The following GPR137B variants were observed in gnomAD, a reference collection of about 807,000 sequenced individuals.
GPR137B encodes the protein integral membrane protein GPR137B.
Under a neutral mutation model 42.5 loss-of-function variants are expected in GPR137B, and 42 were observed. That is an observed-to-expected ratio of 0.99 (90% CI 0.77 to 1.28). The LOEUF is 1.28. Among genes scored for constraint, GPR137B ranks in the 50% most tolerant of loss-of-function variants. The probability of loss-of-function intolerance (pLI) is 0.00; values close to 1 mark genes in which losing one functional copy is unlikely to be tolerated. For missense variants in GPR137B, 487 were observed against 493.9 expected (o/e 0.99, Z 0.13); for synonymous variants, 218 against 209.7 (o/e 1.04, Z -0.34).
chr1:236,145,650 C>T (rs1267798856), intron 1 of GPR137B, among the ~76,000 whole-genome samples: 2 of 152,052 alleles, frequency 1.3e-5, no homozygotes, highest in Non-Finnish European at 2.9e-5. Flanking sequence ...AGCCACCGCA[C>T]CCGGCCAAGA....
At chr1:236,180,594 T>C (rs1347654089) in intron 4 of GPR137B, among the ~76,000 whole-genome samples, 1 of 152,048 alleles carries the variant, frequency 6.6e-6, no homozygotes, top group Non-Finnish European at 1.5e-5. Context: ...TACTTTGCAC[T>C]CCATTCTCCC....
chr1:236,168,606 CGCTGGGGGATGAAGG>C, intron 1 of GPR137B, 85 bp from the exon 2 acceptor site: 2 of 875,052 alleles, frequency 2.3e-6, no homozygotes, highest in Non-Finnish European at 3.9e-6. Context: ...ACGTGCCCAG[CGCTGGGGGATGAAGG>C]GGCAGAGGAA....
At chr1:236,176,211 A>G (rs1338828993) in intron 2 of GPR137B, among the ~76,000 whole-genome samples, 1 of 152,146 alleles carries the variant, frequency 6.6e-6, no homozygotes, top group African/African-American at 2.4e-5. Flanking sequence ...GGGCCTGGAA[A>G]AGAATCTGTC....
intron 4 of GPR137B, 88 bp downstream of exon 4, chr1:236,180,116 A>T (rs908477406): frequency 9.8e-7 from 1 of 1,020,514 alleles, no homozygotes; most frequent in Admixed American, 1.8e-5. Context: ...AAAATACCAA[A>T]ATCTGGATGC....
intron 1 of GPR137B, among the ~76,000 whole-genome samples, chr1:236,154,073 TG>T (rs1010169219): frequency 6.6e-6 from 1 of 152,114 alleles, no homozygotes; most frequent in African/African-American, 2.4e-5. Flanking sequence ...AGGTTTAGGT[TG>T]ACATAGCAGG....
In GPR137B at chr1:236,173,705, C is replaced by T. The variant is rs141356086; in HGVS notation, c.465-4709C>T. On this transcript the variant is annotated intron_variant, in intron 2 of 6. Transcript: ENST00000366592. Reference sequence around the variant, plus strand: ...CATCATGCCAGGATGAGCTATTTATCCTGGCCCTATGGTTTAGGTTAAAAG... The same window carrying T: ...CATCATGCCAGGATGAGCTATTTATTCTGGCCCTATGGTTTAGGTTAAAAG... Among the ~76,000 whole-genome samples, 1,003 of 152,202 alleles carry T rather than the reference C, an allele frequency of 6.6e-3. 1 individual carries two copies. The highest frequency in any genetic ancestry group is 0.011 in the Non-Finnish European group (782 of 68,010).
At chr1:236,146,918 C>T (rs1394706303) in intron 1 of GPR137B, among the ~76,000 whole-genome samples, 1 of 152,170 alleles carries the variant, frequency 6.6e-6, no homozygotes, top group Non-Finnish European at 1.5e-5. Flanking sequence ...AAGCAGTTCT[C>T]CTGCCTCGGC....
intron 5 of GPR137B, among the ~76,000 whole-genome samples, chr1:236,184,640 T>G (rs1244772387): frequency 6.6e-6 from 1 of 152,210 alleles, no homozygotes; most frequent in Admixed American, 6.5e-5. Context: ...CCTCCAATAA[T>G]TCACAGTTCT....
chr1:236,181,026 A>G (rs77352576), intron 4 of GPR137B, among the ~76,000 whole-genome samples: 2,692 of 152,250 alleles, frequency 0.018, 83 homozygotes, highest in African/African-American at 0.061. Flanking sequence ...AATACATAGG[A>G]CTATGAAGTT....
Position 236,142,847 on chromosome 1 carries a change from C to T in GPR137B, c.225C>T (p.Leu75=). Residue 75 remains leucine (L), a synonymous_variant, in exon 1 of 7, where the codon CTC becomes CTT. Coordinates refer to ENST00000366592, the MANE Select transcript of GPR137B (RefSeq NM_003272.4). ...WLVLRYRHKR[L]SYQSVFLFLC... is the part of the protein sequence containing the mutation. ...TGCTGCGTTACCGCCACAAGCGGCTCAGCTACCAGAGCGTCTTCCTCTTTC... is the reference window on the plus strand; with the variant it reads ...TGCTGCGTTACCGCCACAAGCGGCTTAGCTACCAGAGCGTCTTCCTCTTTC... 6.2e-7 allele frequency: 1 copy of T among 1,614,186 alleles called. No individual in the cohort carries two copies. Among genetic ancestry groups the T allele is most frequent in the Non-Finnish European group, 8.5e-7 (1 of 1,179,990 alleles).
rs772538280 is a variant in GPR137B at position 236,179,986 on chromosome 1, C to T, written c.795C>T (p.Ser265=). Residue 265 remains serine, a synonymous_variant, in exon 4 of 7, where the codon AGC becomes AGT. Transcript: ENST00000366592. ...TCCTGTCATTTTCTCAGAACAAGAG[C>T]GTCCATTCCTTTGATTATGACTGGT... is the stretch of plus-strand genomic sequence containing the variant. The part of the protein sequence containing the change: ...LFILSFSQNK[S]VHSFDYDWYN... 35 of 1,613,436 alleles carry T rather than the reference C, an allele frequency of 2.2e-5. No homozygotes were observed. The highest frequency in any genetic ancestry group is 2.4e-5 in the Non-Finnish European group (28 of 1,179,514).
rs556433686 is a variant in GPR137B at position 236,146,207 on chromosome 1, C to T, written c.414+3171C>T. ...ACATACCCAACTCTAAATCTAACCTCGTGTTCTCCTGGAGCGCAAAATCAG... is the reference window on the plus strand; with the variant it reads ...ACATACCCAACTCTAAATCTAACCTTGTGTTCTCCTGGAGCGCAAAATCAG... On this transcript the variant is annotated intron_variant, in intron 1 of 6. Transcript: ENST00000366592. Among the ~76,000 whole-genome samples the T allele has an allele frequency of 6.4e-4, 97 of 152,276 alleles. 1 individual carries two copies. In the South Asian group the frequency reaches 0.019, roughly 29 times the overall value.
intron 1 of GPR137B, among the ~76,000 whole-genome samples, chr1:236,158,372 C>A (rs756505003): frequency 1.3e-5 from 2 of 152,114 alleles, no homozygotes; most frequent in Non-Finnish European, 2.9e-5. Context: ...TGCAGTGAGC[C>A]GAGATGGCAC....
At chr1:236,202,622 AAATAG>A (rs1432816889) in intron 5 of GPR137B, among the ~76,000 whole-genome samples, 2 of 152,022 alleles carry the variant, frequency 1.3e-5, no homozygotes, top group Non-Finnish European at 2.9e-5. Context: ...ATTTATATGT[AAATAG>A]AATAGATGAA....
chr1:236,143,449 C>T lies in GPR137B; in HGVS notation c.414+413C>T, dbSNP rs1571951930. On this transcript the variant is annotated intron_variant, in intron 1 of 6. Transcript: ENST00000366592. The stretch of plus-strand genomic sequence containing the variant: ...CCTCCCCAGGCACCTAACTCCCGGC[C>T]TGGAAAGGTCTTCTGCACGTTGGCC... Among the ~76,000 whole-genome samples, 7 of 152,384 alleles carry T rather than the reference C, an allele frequency of 4.6e-5. 2 individuals are homozygous for T. The highest frequency in any genetic ancestry group is 4.6e-4 in the Admixed American group (7 of 15,310).
chr1:236,195,594 C>T (rs1017107877), intron 5 of GPR137B, among the ~76,000 whole-genome samples: 12 of 152,174 alleles, frequency 7.9e-5, no homozygotes, highest in African/African-American at 2.7e-4. Flanking sequence ...TCTTCAATAT[C>T]CTGATTTCCC....
intron 1 of GPR137B, among the ~76,000 whole-genome samples, chr1:236,166,417 G>A (rs993824423): frequency 3.5e-5 from 5 of 143,476 alleles, no homozygotes; most frequent in African/African-American, 1.4e-4. Context: ...ACTGTACTGA[G>A]CCATCTATTG....
intron 2 of GPR137B, among the ~76,000 whole-genome samples, chr1:236,169,782 G>A (rs1662478501): frequency 6.6e-6 from 1 of 152,156 alleles, no homozygotes; most frequent in African/African-American, 2.4e-5. Flanking sequence ...GCTCACGCCT[G>A]TAATCCCAGC....
intron 1 of GPR137B, among the ~76,000 whole-genome samples, chr1:236,166,104 A>G (rs559999722): frequency 6.6e-6 from 1 of 152,228 alleles, no homozygotes; most frequent in Non-Finnish European, 1.5e-5. Flanking sequence ...AACATTTTTT[A>G]AAAAATTCTG....
Sources: gnomAD v4.1 joint callset for allele counts (sites outside exome capture counted in the v4.1 genomes callset) on GRCh38, gnomAD v4.1.1 for gene constraint, MANE v1.5 for transcripts, NCBI Gene and HGNC (gene_info 2026-07-23, HGNC 2026-07-21) for gene names.